Variants in CRB1 observed in about 807,000 individuals in gnomAD.
CRB1 encodes crumbs cell polarity complex component 1, also known as protein crumbs homolog 1.
A neutral mutation model predicts 120.0 loss-of-function variants in CRB1; 83 were observed. The observed-to-expected ratio is 0.69, with a 90% CI of 0.58 to 0.83. The LOEUF is 0.83. Among genes scored for constraint, CRB1 ranks in the 40% least tolerant of loss-of-function variants. CRB1 has a pLI of 0.00. For synonymous variants in CRB1, 625 were observed against 612.5 expected, an observed-to-expected ratio of 1.02 and a Z score of -0.30; for missense variants, 1,699 against 1,687.6, an observed-to-expected ratio of 1.01 and a Z score of -0.12.
intron 6 of CRB1, 38 bp downstream of exon 6, chr1:197,421,994 G>A: frequency 6.3e-7 from 1 of 1,590,886 alleles, no homozygotes; most frequent in Non-Finnish European, 8.6e-7. Context: ...GGAGTGCCAT[G>A]CCTCAGAGCA....
chr1:197,458,911 T>C (rs1666403910), intron 11 of CRB1, among the ~76,000 whole-genome samples: 1 of 152,146 alleles, frequency 6.6e-6, no homozygotes, highest in Admixed American at 6.6e-5. Flanking sequence ...AGAAGTCTGA[T>C]CGCTATGAGC....
At chr1:197,264,904 CG>C (rs1654598972), upstream of CRB1, among the ~76,000 whole-genome samples, 1 of 151,660 alleles carries the variant, frequency 6.6e-6, no homozygotes, top group South Asian at 2.1e-4. Flanking sequence ...GGATTACAGA[CG>C]TGAGCCACCA....
intron 1 of CRB1, among the ~76,000 whole-genome samples, chr1:197,283,334 C>T (rs938005684): frequency 6.6e-6 from 1 of 151,148 alleles, no homozygotes; most frequent in Admixed American, 6.6e-5. Context: ...TTTTGGTGCA[C>T]CCATCACCTC....
At chr1:197,283,127 T>A (rs1047654984) in intron 1 of CRB1, among the ~76,000 whole-genome samples, 1 of 151,614 alleles carries the variant, frequency 6.6e-6, no homozygotes, top group Non-Finnish European at 1.5e-5. Flanking sequence ...AAAATAAAAA[T>A]AAACACATCA....
the CRB1 span, chr1:197,222,933 A>T: frequency 3.1e-6 from 3 of 975,716 alleles, no homozygotes; most frequent in Non-Finnish European, 5.0e-6. Context: ...AATCCTGTTG[A>T]CGCTCTGCAA....
the CRB1 span, among the ~76,000 whole-genome samples, chr1:197,255,296 T>G: frequency 1.3e-5 from 2 of 152,126 alleles, no homozygotes; most frequent in South Asian, 2.1e-4. Context: ...GGTATTTTCC[T>G]TATGAAATTA....
chr1:197,364,111 G>T, intron 5 of CRB1: 1 of 980,758 alleles, frequency 1.0e-6, no homozygotes, highest in South Asian at 1.9e-5. Flanking sequence ...GGCTGCTGAG[G>T]CTTGTGGATG....
At chr1:197,317,711 T>G (rs1242139146) in intron 1 of CRB1, among the ~76,000 whole-genome samples, 11 of 152,168 alleles carry the variant, frequency 7.2e-5, no homozygotes, top group African/African-American at 2.4e-4. Flanking sequence ...GGCCCACTAA[T>G]TTTTGACAAT....
At chr1:197,206,990 T>G in the CRB1 span, among the ~76,000 whole-genome samples, 1 of 152,184 alleles carries the variant, frequency 6.6e-6, no homozygotes, top group Non-Finnish European at 1.5e-5. Flanking sequence ...TTATATAATT[T>G]CCCTCTTTGT....
At chr1:197,444,786 A>G (rs1665619528) in intron 11 of CRB1, 1 of 151,916 alleles carries the variant, frequency 6.6e-6, no homozygotes, top group Non-Finnish European at 1.5e-5. Context: ...TGGCTTTTAC[A>G]TATTTGCACA....
chr1:197,247,758 T>C, the CRB1 span, among the ~76,000 whole-genome samples: 3 of 152,156 alleles, frequency 2.0e-5, no homozygotes, highest in South Asian at 6.2e-4. Flanking sequence ...AGAGAATAGC[T>C]AGCATCTTAT....
chr1:197,404,047 T>C (rs1272467398), intron 5 of CRB1, among the ~76,000 whole-genome samples: 1 of 152,228 alleles, frequency 6.6e-6, no homozygotes, highest in Non-Finnish European at 1.5e-5. Context: ...AGCAGATATC[T>C]TCTCTGTCAC....
intron 11 of CRB1, among the ~76,000 whole-genome samples, chr1:197,461,201 A>T (rs1666514531): frequency 6.6e-6 from 1 of 152,104 alleles, no homozygotes; most frequent in Non-Finnish European, 1.5e-5. Flanking sequence ...TTATTTGCAG[A>T]ACTCTAAGTA....
intron 6 of CRB1, among the ~76,000 whole-genome samples, chr1:197,424,585 G>A (rs1215231135): frequency 6.6e-6 from 1 of 151,966 alleles, no homozygotes; most frequent in Non-Finnish European, 1.5e-5. Flanking sequence ...TGACACACAG[G>A]GCCATAACCT....
At chr1:197,323,329 A>G (rs1475806804) in intron 1 of CRB1, among the ~76,000 whole-genome samples, 2 of 152,220 alleles carry the variant, frequency 1.3e-5, no homozygotes, top group African/African-American at 2.4e-5. Context: ...TTCCTGCACC[A>G]TCATTATATA....
chr1:197,422,069 A>G (rs753373486), intron 6 of CRB1, 113 bp downstream of exon 6: 29 of 960,158 alleles, frequency 3.0e-5, no homozygotes, highest in Non-Finnish European at 4.3e-5. Context: ...ACCCCACAAG[A>G]CTTCTGCTGC....
At chr1:197,272,388 G>C (rs1335507706) in intron 1 of CRB1, among the ~76,000 whole-genome samples, 1 of 152,124 alleles carries the variant, frequency 6.6e-6, no homozygotes, top group African/African-American at 2.4e-5. Context: ...TTACATAGCA[G>C]AGTTAACTGT....
intron 2 of CRB1, among the ~76,000 whole-genome samples, chr1:197,343,887 G>A (rs1028692510): frequency 2.6e-5 from 4 of 152,192 alleles, no homozygotes; most frequent in African/African-American, 9.6e-5. Context: ...CCAACTGTCT[G>A]GCTTTGGAGT....
At chr1:197,206,333 G>T in the CRB1 span, among the ~76,000 whole-genome samples, 1 of 152,070 alleles carries the variant, frequency 6.6e-6, no homozygotes, top group Non-Finnish European at 1.5e-5. Context: ...AGTTCCTTGA[G>T]ATGTGACCAT....
Sources: allele counts gnomAD v4.1 joint callset (sites outside exome capture counted in the v4.1 genomes callset), GRCh38; gene constraint gnomAD v4.1.1; transcripts MANE v1.5; gene names NCBI Gene and HGNC (gene_info 2026-07-23, HGNC 2026-07-21).